The following SORBS2 variants were observed in gnomAD, a reference collection of about 807,000 sequenced individuals.
The protein encoded by SORBS2 is sorbin and SH3 domain-containing protein 2.
Under a neutral mutation model 97.7 loss-of-function variants are expected in SORBS2, and 46 were observed. The observed-to-expected ratio is 0.47, with a 90% confidence interval of 0.37 to 0.60. SORBS2 has a LOEUF of 0.60. Among genes scored for constraint, SORBS2 ranks in the 20% least tolerant of loss-of-function variants. The pLI is 0.00. For synonymous variants in SORBS2, 476 were observed against 473.4 expected, an observed-to-expected ratio of 1.01 and a Z score of -0.07; for missense variants, 1,316 against 1,282.3, an observed-to-expected ratio of 1.03 and a Z score of -0.40.
chr4:185,858,256 G>T (rs2099221808), intron 1 of SORBS2, among the ~76,000 whole-genome samples: 1 of 152,134 alleles, frequency 6.6e-6, no homozygotes, highest in Admixed American at 6.5e-5. Context: ...GGCTTTATAG[G>T]AAGAGGAAGA....
chr4:185,855,113 A>T (rs532839372), intron 1 of SORBS2, among the ~76,000 whole-genome samples: 1 of 152,296 alleles, frequency 6.6e-6, no homozygotes, highest in South Asian at 2.1e-4. Flanking sequence ...TCCAAGCATT[A>T]ATTGCTTTGT....
At chr4:185,596,962 CAA>C (rs887113863) in intron 12 of SORBS2, among the ~76,000 whole-genome samples, 4 of 152,102 alleles carry the variant, frequency 2.6e-5, no homozygotes, top group African/African-American at 9.7e-5. Flanking sequence ...CAGAATCAAT[CAA>C]GACTTTTCGT....
At chr4:185,676,760 AT>A (rs1048064645) in intron 4 of SORBS2, among the ~76,000 whole-genome samples, 3 of 143,576 alleles carry the variant, frequency 2.1e-5, no homozygotes, top group East Asian at 2.1e-4. Context: ...AAAAAAAAAA[AT>A]TTAGAACATG....
intron 2 of SORBS2, among the ~76,000 whole-genome samples, chr4:185,719,652 T>C (rs2098496376): frequency 6.6e-6 from 1 of 152,240 alleles, no homozygotes; most frequent in African/African-American, 2.4e-5. Flanking sequence ...TAGCCGCAAA[T>C]GAGTAGCACT....
intron 1 of SORBS2, among the ~76,000 whole-genome samples, chr4:185,877,883 A>AAG (rs1554045186): frequency 1.2e-4 from 18 of 145,276 alleles, no homozygotes; most frequent in African/African-American, 3.8e-4. Flanking sequence ...ACAAAAAAAA[A>AAG]AAAGAAAGAA....
intron 4 of SORBS2, chr4:185,675,168 A>G (rs1353172084): frequency 2.6e-5 from 4 of 152,246 alleles, no homozygotes; most frequent in African/African-American, 9.6e-5. Flanking sequence ...GGATAAAACC[A>G]TGCAAAACGA....
upstream of SORBS2, among the ~76,000 whole-genome samples, chr4:185,661,426 A>ATTT (rs966876206): frequency 7.2e-5 from 11 of 152,214 alleles, no homozygotes; most frequent in African/African-American, 2.7e-4. Context: ...TCTGCTTACA[A>ATTT]TTTTTTATGA....
chr4:185,662,052 G>T, intron 5 of SORBS2, 52 bp downstream of exon 8: 6 of 1,600,798 alleles, frequency 3.7e-6, no homozygotes, highest in Non-Finnish European at 5.1e-6. Flanking sequence ...TCCTGTGGTT[G>T]TACTTGCCGC....
intron 2 of SORBS2, among the ~76,000 whole-genome samples, chr4:185,719,686 C>T (rs2098496793): frequency 6.6e-6 from 1 of 152,192 alleles, no homozygotes; most frequent in Admixed American, 6.5e-5. Flanking sequence ...AATCTTCCTT[C>T]AATTGTTGAA....
At chr4:185,954,179 C>G (rs1328228520) in intron 1 of SORBS2, among the ~76,000 whole-genome samples, 2 of 152,124 alleles carry the variant, frequency 1.3e-5, no homozygotes, top group African/African-American at 4.8e-5. Context: ...AATAATACCC[C>G]CTCTATAGTC....
intron 2 of SORBS2, among the ~76,000 whole-genome samples, chr4:185,652,277 C>T (rs1311587418): frequency 1.3e-5 from 2 of 152,222 alleles, no homozygotes; most frequent in African/African-American, 2.4e-5. Context: ...CTTTAGTGGT[C>T]TCCTGTCTAC....
chr4:185,669,972 A>T (rs891118895), intron 4 of SORBS2, among the ~76,000 whole-genome samples: 3 of 152,160 alleles, frequency 2.0e-5, no homozygotes, highest in African/African-American at 7.2e-5. Context: ...TAATCCCAGC[A>T]CTTTGGGAGG....
At chr4:185,942,627 G>A (rs879437701) in intron 1 of SORBS2, among the ~76,000 whole-genome samples, 1 of 152,120 alleles carries the variant, frequency 6.6e-6, no homozygotes, top group African/African-American at 2.4e-5. Flanking sequence ...GGGATTATAG[G>A]CATGAGCCAC....
chr4:185,877,397 T>C (rs926344412), intron 1 of SORBS2, among the ~76,000 whole-genome samples: 7 of 152,220 alleles, frequency 4.6e-5, no homozygotes, highest in African/African-American at 1.2e-4. Context: ...TCAAATGCAT[T>C]TGCAAACTAT....
chr4:185,938,901 C>T (rs374169402), intron 1 of SORBS2, among the ~76,000 whole-genome samples: 6 of 152,022 alleles, frequency 3.9e-5, no homozygotes, highest in East Asian at 3.9e-4. Flanking sequence ...CTTCAAAGCA[C>T]GAAAGCAACA....
At chr4:185,847,444 C>G (rs1426623264) in intron 1 of SORBS2, among the ~76,000 whole-genome samples, 2 of 152,096 alleles carry the variant, frequency 1.3e-5, no homozygotes, top group South Asian at 2.1e-4. Flanking sequence ...GAAAATCAAG[C>G]TGAACACATG....
chr4:185,859,668 T>C (rs2099222565), intron 1 of SORBS2, among the ~76,000 whole-genome samples: 1 of 152,114 alleles, frequency 6.6e-6, no homozygotes, highest in Non-Finnish European at 1.5e-5. Flanking sequence ...ACCCATCTCC[T>C]TTAGTAGTTT....
intron 1 of SORBS2, among the ~76,000 whole-genome samples, chr4:185,827,273 TCAC>T (rs1385685021): frequency 8.5e-4 from 86 of 100,760 alleles, no homozygotes; most frequent in African/African-American, 1.3e-3. Context: ...ATCACCATCA[TCAC>T]CATCATCATC....
chr4:185,721,241 AT>A (rs1375800606), intron 2 of SORBS2, among the ~76,000 whole-genome samples: 2 of 151,746 alleles, frequency 1.3e-5, no homozygotes, highest in Non-Finnish European at 2.9e-5. Context: ...CGCCCAGATA[AT>A]TTTTGTATTT....
Sources: allele counts gnomAD v4.1 joint callset (sites outside exome capture counted in the v4.1 genomes callset), GRCh38; gene constraint gnomAD v4.1.1; transcripts MANE v1.5; gene names NCBI Gene and HGNC (gene_info 2026-07-23, HGNC 2026-07-21).